Variants in KIF5C observed in about 807,000 individuals in gnomAD.
KIF5C encodes kinesin family member 5C, also known as kinesin heavy chain isoform 5C.
In KIF5C, 18 loss-of-function variants were observed where a neutral mutation model predicts 125.2. The observed-to-expected ratio is 0.14, with a 90% CI of 0.10 to 0.21. KIF5C has a LOEUF of 0.21. Ranked by LOEUF, KIF5C falls within the 10% of genes least tolerant of loss-of-function variation. The probability of loss-of-function intolerance (pLI) is 1.00; values close to 1 mark genes in which losing one functional copy is unlikely to be tolerated. For synonymous variants in KIF5C, 405 were observed against 434.0 expected, an observed-to-expected ratio of 0.93 and a Z score of 0.83; for missense variants, 780 against 1,183.8, an observed-to-expected ratio of 0.66 and a Z score of 5.01.
Position 148,973,580 on chromosome 2 carries a change from A to G in KIF5C, c.1293+69A>G, listed in dbSNP as rs551399527. On this transcript the variant is annotated intron_variant, in intron 12 of 25. Transcript: ENST00000435030. ...GAAAGATGGCAGGTCCCAGCTCCCT[A>G]TGGGGCTGATGTAGGGCTACAGCCC... The G allele has an allele frequency of 8.7e-6, 13 of 1,492,162 alleles. No homozygotes were observed. In the South Asian group the frequency reaches 9.8e-5, roughly 11 times the overall value. The allele number at this position is 1,492,162 out of a possible 1,614,324, so 92.4% of individuals were successfully genotyped here.
At position 148,987,462 on chromosome 2, in the gene KIF5C, G is replaced by A. The variant is rs571390713; in HGVS notation, c.1717-3548G>A. 8.5e-4 allele frequency among the ~76,000 whole-genome samples: 129 copies of A among 152,236 alleles called. 2 individuals are homozygous for A. The South Asian group carries it at 0.027, about 31-fold the overall frequency. ...TGTGTTGAAATTGCAAAAGAGAGGG[G>A]CAGGGGCAGGCTGTGGTTATCAGCA... is the stretch of plus-strand genomic sequence containing the variant. On this transcript the variant is annotated intron_variant, in intron 15 of 25. Transcript: ENST00000435030.
chr2:148,934,895 C>T (rs1682261097), intron 3 of KIF5C, among the ~76,000 whole-genome samples: 1 of 152,180 alleles, frequency 6.6e-6, no homozygotes, highest in South Asian at 2.1e-4. Context: ...TAACACTACA[C>T]ACACACACAC....
Position 148,994,444 on chromosome 2 carries a change from G to T in KIF5C, c.1929G>T (p.Leu643=). 6.4e-7 allele frequency: 1 copy of T among 1,569,290 alleles called. No homozygotes were observed. ...AGCACGAAGCCAAGATCAAGTCTCT[G>T]ACAGACTACATGCAGAACATGGAAC... ...ISQHEAKIKS[L]TDYMQNMEQK... The change falls in exon 17 of 26, where the codon CTG becomes CTT. Residue 643 remains leucine, a synonymous_variant. Transcript: ENST00000435030.
intron 17 of KIF5C, among the ~76,000 whole-genome samples, chr2:148,996,308 G>C (rs1054236356): frequency 4.6e-5 from 7 of 152,218 alleles, no homozygotes; most frequent in African/African-American, 1.7e-4. Context: ...ATTTGTGTCA[G>C]ACGCCAAGGC....
At chr2:148,897,918 C>CAAAAAAAAAAA (rs55762538) in intron 1 of KIF5C, among the ~76,000 whole-genome samples, 1 of 20,452 alleles carries the variant, frequency 4.9e-5, no homozygotes, top group Non-Finnish European at 8.0e-5. Context: ...GACTCAGTCT[C>CAAAAAAAAAAA]AAAAAAAAAA....
At chr2:148,986,412 A>T (rs1681382278) in intron 15 of KIF5C, among the ~76,000 whole-genome samples, 1 of 152,086 alleles carries the variant, frequency 6.6e-6, no homozygotes, top group Non-Finnish European at 1.5e-5. Context: ...GAGCTAAGGG[A>T]GTAGTTGTAT....
intron 14 of KIF5C, among the ~76,000 whole-genome samples, chr2:148,983,107 CT>C (rs536169726): frequency 6.0e-5 from 9 of 149,110 alleles, no homozygotes; most frequent in East Asian, 2.0e-4. Flanking sequence ...AATTGGAAGA[CT>C]TTTTTTTTTG....
rs890768915 is a variant in KIF5C, at chr2:148,961,376, T to C, written c.969-595T>C. On this transcript the variant is annotated intron_variant, in intron 10 of 25. Coordinates refer to ENST00000435030, the MANE Select transcript of KIF5C (RefSeq NM_004522.3). ...ACTCAGCTGTGGGACCCACCTGACCTATGAGGCATGTGTTGATGTGATAAA... is the reference window on the plus strand; with the variant it reads ...ACTCAGCTGTGGGACCCACCTGACCCATGAGGCATGTGTTGATGTGATAAA... 2.6e-5 allele frequency among the ~76,000 whole-genome samples: 4 copies of C among 152,108 alleles called. No homozygotes were observed. The South Asian group carries it at 8.3e-4, about 32-fold the overall frequency.
intron 12 of KIF5C, among the ~76,000 whole-genome samples, chr2:148,974,272 G>C (rs1020096184): frequency 2.0e-5 from 3 of 152,302 alleles, no homozygotes; most frequent in East Asian, 3.9e-4. Context: ...ATTTCATCAG[G>C]GTTGCTGATA....
At position 148,875,462 on chromosome 2, in the gene KIF5C, C is replaced by A; in HGVS notation, c.-156C>A. On this transcript the variant is annotated 5_prime_UTR_variant, in exon 1 of 26. Coordinates refer to ENST00000435030, the MANE Select transcript of KIF5C (RefSeq NM_004522.3). ...CGGGCTCGGAGCGGCCGGGGCTGCTCAGCCGGCCGGGCTCGCGATGACCTG... is the reference window on the plus strand; with the variant it reads ...CGGGCTCGGAGCGGCCGGGGCTGCTAAGCCGGCCGGGCTCGCGATGACCTG... 1.6e-6 allele frequency: 1 copy of A among 629,270 alleles called. No homozygotes were observed. Among genetic ancestry groups the A allele is most frequent in the Non-Finnish European group, 2.7e-6 (1 of 365,082 alleles). 39.0% of individuals were successfully genotyped at this position (629,270 alleles called of 1,614,324 possible). A position where few individuals can be genotyped will look rare whatever the true frequency, so the allele number is the denominator to read the frequency against.
chr2:148,967,676 C>T (rs572699722), intron 11 of KIF5C, among the ~76,000 whole-genome samples: 105 of 152,288 alleles, frequency 6.9e-4, no homozygotes, highest in African/African-American at 2.4e-3. Context: ...GGGCCGATAT[C>T]GATGGCTGGT....
Position 148,992,099 on chromosome 2 carries a change from C to A in KIF5C, c.1905+901C>A, listed in dbSNP as rs140583321. On this transcript the variant is annotated intron_variant, in intron 16 of 25. Transcript: ENST00000435030. ...ATTGGTGTGTCAAATAATACTGAGG[C>A]GGACAAAAGCACACTTTATTCTGGT... Among the ~76,000 whole-genome samples the A allele has an allele frequency of 3.9e-3, 597 of 152,208 alleles. 3 individuals are homozygous for A. Among genetic ancestry groups the A allele is most frequent in the Middle Eastern group, 0.017 (5 of 294 alleles).
chr2:148,922,046 A>G (rs1413671107), intron 1 of KIF5C, 91 bp from the exon 2 acceptor site: 3 of 769,826 alleles, frequency 3.9e-6, no homozygotes, highest in East Asian at 2.7e-5. Flanking sequence ...CTTAGTGCCT[A>G]TGGCCTAGCT....
intron 1 of KIF5C, among the ~76,000 whole-genome samples, chr2:148,895,431 C>G (rs1284745092): frequency 2.6e-5 from 4 of 152,138 alleles, no homozygotes; most frequent in African/African-American, 4.8e-5. Context: ...AGCCACCGCA[C>G]TTGGCCCTAC....
intron 10 of KIF5C, among the ~76,000 whole-genome samples, chr2:148,951,123 C>T (rs1296016500): frequency 2.6e-5 from 4 of 152,158 alleles, no homozygotes; most frequent in Admixed American, 2.0e-4. Context: ...GTGTGTAAAT[C>T]TCAAGATTGA....
At position 148,934,631 on chromosome 2, in the gene KIF5C, C is replaced by T. The variant is rs530317997; in HGVS notation, c.292-2653C>T. ...ATATCACACATATACAATACACACACGCCACAGAATGCCACACAGCCACAC... is the reference window on the plus strand; with the variant it reads ...ATATCACACATATACAATACACACATGCCACAGAATGCCACACAGCCACAC... On this transcript the variant is annotated intron_variant, in intron 3 of 25. Coordinates refer to ENST00000435030, the MANE Select transcript of KIF5C (RefSeq NM_004522.3). Among the ~76,000 whole-genome samples, 5 of 151,414 alleles carry T rather than the reference C, an allele frequency of 3.3e-5. 1 individual carries two copies. Among genetic ancestry groups the T allele is most frequent in the South Asian group, 4.2e-4 (2 of 4,790 alleles).
chr2:149,013,343 G>A (rs1322306858), intron 25 of KIF5C, among the ~76,000 whole-genome samples: 2 of 152,204 alleles, frequency 1.3e-5, no homozygotes, highest in Non-Finnish European at 2.9e-5. Flanking sequence ...CAGAGAGGAA[G>A]CAGAGAAGAG....
At chr2:148,943,175 A>G (rs543981412) in intron 7 of KIF5C, among the ~76,000 whole-genome samples, 24 of 152,346 alleles carry the variant, frequency 1.6e-4, no homozygotes, top group African/African-American at 5.3e-4. Flanking sequence ...ACACATGGAA[A>G]TAAACCATGT....
chr2:148,991,173 C>A lies in KIF5C; in HGVS notation c.1880C>A (p.Ala627Glu). ...ATGAATGCCAGCGAGCGGGAGCTGG[C>A]AGCCTGCCAGCTGCTCATCTCCCAG... Reference protein sequence around the residue: ...RKMNASERELAACQLLISQHE... With the variant: ...RKMNASERELEACQLLISQHE... The change falls in exon 16 of 26, where the codon GCA becomes GAA. Residue 627 changes from alanine to glutamate, a missense_variant. Around this residue, in one of 2 missense-constraint regions of KIF5C, gnomAD observed 573 missense variants for 742.6 expected, o/e 0.77. Coordinates refer to ENST00000435030, the MANE Select transcript of KIF5C (RefSeq NM_004522.3). The A allele has an allele frequency of 6.2e-7, 1 of 1,613,712 alleles. No homozygotes were observed.
Sources: gnomAD v4.1 joint callset for allele counts (sites outside exome capture counted in the v4.1 genomes callset) on GRCh38, gnomAD v4.1.1 for gene constraint, gnomAD v4.1.1 regional missense constraint, MANE v1.5 for transcripts, NCBI Gene and HGNC (gene_info 2026-07-23, HGNC 2026-07-21) for gene names.